Variants in PDZD2 observed in about 807,000 individuals in gnomAD.
PDZD2 encodes PDZ domain-containing protein 2.
PDZD2 carries 90 observed loss-of-function variants against 220.7 expected under a neutral mutation model. That is an observed-to-expected ratio of 0.41 (90% CI 0.34 to 0.49). The LOEUF (loss-of-function observed/expected upper bound fraction) is 0.49, where lower values mean the gene tolerates loss of function less well. Among genes scored for constraint, PDZD2 ranks in the 20% least tolerant of loss-of-function variants. The pLI is 0.28. For missense variants in PDZD2, 3,174 were observed against 3,608.5 expected, an observed-to-expected ratio of 0.88 and a Z score of 3.08; for synonymous variants, 1,375 against 1,450.5, an observed-to-expected ratio of 0.95 and a Z score of 1.18.
At chr5:31,712,928 A>C (rs1021376907) in intron 1 of PDZD2, among the ~76,000 whole-genome samples, 5 of 152,198 alleles carry the variant, frequency 3.3e-5, no homozygotes, top group African/African-American at 7.2e-5. Context: ...TGCAGGAGTG[A>C]GATGTACCCA....
intron 1 of PDZD2, among the ~76,000 whole-genome samples, chr5:31,724,456 G>A (rs1288895873): frequency 6.6e-6 from 1 of 151,934 alleles, no homozygotes; most frequent in African/African-American, 2.4e-5. Context: ...ACAAAAATTG[G>A]CTGGCCATGG....
chr5:31,759,386 G>A (rs1443685435), intron 1 of PDZD2, among the ~76,000 whole-genome samples: 1 of 152,018 alleles, frequency 6.6e-6, no homozygotes, highest in African/African-American at 2.4e-5. Context: ...CCTAAATTTT[G>A]CTTTAGCCTG....
chr5:32,082,743 C>T (rs1280191231), intron 19 of PDZD2, among the ~76,000 whole-genome samples: 1 of 152,120 alleles, frequency 6.6e-6, no homozygotes, highest in Non-Finnish European at 1.5e-5. Flanking sequence ...TATACCTACA[C>T]ACATGATTTT....
intron 2 of PDZD2, among the ~76,000 whole-genome samples, chr5:31,816,922 G>T (rs1343094449): frequency 1.3e-5 from 2 of 152,104 alleles, no homozygotes; most frequent in Non-Finnish European, 2.9e-5. Context: ...CATGGCTCAC[G>T]CCTGTAATCC....
chr5:31,816,321 T>C (rs575722338), intron 2 of PDZD2, among the ~76,000 whole-genome samples: 1 of 150,270 alleles, frequency 6.7e-6, no homozygotes, highest in East Asian at 1.9e-4. Flanking sequence ...GGATTTTTCT[T>C]CTACGAAAAA....
At position 32,110,902 on chromosome 5, in the gene PDZD2, A is replaced by T. The variant is rs950334417; in HGVS notation, c.*2767A>T. On this transcript the variant is annotated 3_prime_UTR_variant, in exon 25 of 25. Coordinates refer to ENST00000438447, the MANE Select transcript of PDZD2 (RefSeq NM_178140.4). ...TAAACAACCTTTTTTAAGTAATTTTAAAAAAAATAAACACTCTGCTTACTA... is the reference window on the plus strand; with the variant it reads ...TAAACAACCTTTTTTAAGTAATTTTTAAAAAAATAAACACTCTGCTTACTA... The T allele has an allele frequency of 6.6e-5, 10 of 152,032 alleles. No individual in the cohort carries two copies. The highest frequency in any genetic ancestry group is 6.2e-4 in the South Asian group (3 of 4,820). The allele number at this position is 152,032 out of a possible 1,614,324, so 9.4% of individuals were successfully genotyped here.
intron 21 of PDZD2, among the ~76,000 whole-genome samples, chr5:32,096,703 G>A (rs1045862804): frequency 6.6e-6 from 1 of 152,096 alleles, no homozygotes; most frequent in African/African-American, 2.4e-5. Flanking sequence ...GCCTTGATAT[G>A]CTCTTATCCT....
chr5:31,970,902 C>G (rs1749240149), intron 2 of PDZD2, among the ~76,000 whole-genome samples: 1 of 152,184 alleles, frequency 6.6e-6, no homozygotes. Flanking sequence ...TATCTTCGGA[C>G]CAGTCTGCTG....
chr5:31,771,372 A>G lies in PDZD2; in HGVS notation c.-360-27517A>G, dbSNP rs1239718413. On this transcript the variant is annotated intron_variant, in intron 1 of 24. Coordinates refer to ENST00000438447, the MANE Select transcript of PDZD2 (RefSeq NM_178140.4). Reference sequence around the variant, plus strand: ...TAGTAACACTGAGTCAGTGCCTACTATGCATGGGGCACTGGGTTTATTAAA... The same window carrying G: ...TAGTAACACTGAGTCAGTGCCTACTGTGCATGGGGCACTGGGTTTATTAAA... 2.0e-5 allele frequency among the ~76,000 whole-genome samples: 3 copies of G among 152,212 alleles called. No homozygotes were observed. The East Asian group carries it at 5.8e-4, about 29-fold the overall frequency.
At chr5:31,883,621 T>A (rs1372510498) in intron 2 of PDZD2, among the ~76,000 whole-genome samples, 1 of 44,162 alleles carries the variant, frequency 2.3e-5, no homozygotes, top group Non-Finnish European at 4.1e-5. Context: ...CCTCTGTAAT[T>A]TTTTTTTTTT....
rs66929937 is a variant in PDZD2 at position 32,024,693 on chromosome 5, AG to A, written c.1408-12537del. Among the ~76,000 whole-genome samples, 548 of 106,418 alleles carry A rather than the reference AG, an allele frequency of 5.1e-3. 28 individuals are homozygous for A. Among genetic ancestry groups the A allele is most frequent in the Middle Eastern group, 0.019 (4 of 212 alleles). The allele number at this position is 106,418 out of a possible 152,430, so 69.8% of individuals were successfully genotyped here. A position where few individuals can be genotyped will look rare whatever the true frequency, so the allele number is the denominator to read the frequency against. ...GCAAGACTTCATCTCAAAAAAAAAA[AG>A]AAAGAAAAAAAAGAAAAGGAAAGAA... is the stretch of plus-strand genomic sequence containing the variant. On this transcript the variant is annotated intron_variant, in intron 6 of 24. Transcript: ENST00000438447.
In PDZD2 at chr5:32,090,064, C is replaced by T. The variant is rs756556961; in HGVS notation, c.6616C>T (p.Pro2206Ser). The T allele has an allele frequency of 8.7e-6, 14 of 1,613,490 alleles. No individual in the cohort carries two copies. The highest frequency in any genetic ancestry group is 1.2e-5 in the Non-Finnish European group (14 of 1,179,912). The change falls in exon 20 of 25, where the codon CCC (proline) becomes TCC (serine). Residue 2206 changes from proline to serine, a missense_variant. Around this residue, in one of 4 missense-constraint regions of PDZD2, gnomAD observed 1,861 missense variants for 2,001.0 expected, o/e 0.93. Coordinates refer to ENST00000438447, the MANE Select transcript of PDZD2 (RefSeq NM_178140.4). The surrounding 1 kb of genome is among the most constrained non-coding windows in gnomAD (Gnocchi z 4.3). Reference sequence around the variant, plus strand: ...GCCCAGAAACAGCATTCCAGGGGGCCCCTCGGGGGAGGACCATCTCTACTT... The same window carrying T: ...GCCCAGAAACAGCATTCCAGGGGGCTCCTCGGGGGAGGACCATCTCTACTT... ...GVPRNSIPGGPSGEDHLYFTP... is the reference protein window; with the variant it reads ...GVPRNSIPGGSSGEDHLYFTP...
chr5:31,835,931 T>A (rs17507951), intron 2 of PDZD2, among the ~76,000 whole-genome samples: 6,684 of 152,328 alleles, frequency 0.044, 191 homozygotes, highest in Non-Finnish European at 0.065. Flanking sequence ...GAATCAGTCC[T>A]ATTATTTCCA....
At chr5:31,948,164 A>T (rs1159303563) in intron 2 of PDZD2, among the ~76,000 whole-genome samples, 1 of 152,166 alleles carries the variant, frequency 6.6e-6, no homozygotes, top group Non-Finnish European at 1.5e-5. Flanking sequence ...CTAATGGCCC[A>T]TTAGTGAATC....
intron 2 of PDZD2, among the ~76,000 whole-genome samples, chr5:31,885,786 C>T (rs1410017430): frequency 1.3e-5 from 2 of 151,798 alleles, no homozygotes; most frequent in Non-Finnish European, 2.9e-5. Flanking sequence ...AATGCTGTGT[C>T]CAGAAGGTTG....
At chr5:31,701,203 A>AT (rs1476029637) in intron 1 of PDZD2, among the ~76,000 whole-genome samples, 53 of 109,946 alleles carry the variant, frequency 4.8e-4, no homozygotes, top group Admixed American at 7.7e-4. Flanking sequence ...AAATATATAT[A>AT]TATTTTTTTT....
At chr5:31,930,787 C>T (rs1230138697) in intron 2 of PDZD2, among the ~76,000 whole-genome samples, 1 of 152,000 alleles carries the variant, frequency 6.6e-6, no homozygotes, top group Non-Finnish European at 1.5e-5. Context: ...ACCCACTATG[C>T]GACCAGACGC....
intron 12 of PDZD2, among the ~76,000 whole-genome samples, chr5:32,058,666 C>T (rs1423398020): frequency 7.3e-6 from 1 of 136,542 alleles, no homozygotes; most frequent in Non-Finnish European, 1.5e-5. Flanking sequence ...AAGAGCAAAA[C>T]TCCGTCTCAA....
intron 2 of PDZD2, among the ~76,000 whole-genome samples, chr5:31,958,963 C>T (rs139769799): frequency 5.8e-4 from 86 of 147,524 alleles, no homozygotes; most frequent in African/African-American, 2.1e-3. Flanking sequence ...GATGGAGTCT[C>T]GCTCTGTCAC....
Sources: allele counts gnomAD v4.1 joint callset (sites outside exome capture counted in the v4.1 genomes callset), GRCh38; gene constraint gnomAD v4.1.1; regional missense constraint gnomAD v4.1.1; non-coding constraint Gnocchi (gnomAD v3.1); transcripts MANE v1.5; gene names NCBI Gene and HGNC (gene_info 2026-07-23, HGNC 2026-07-21).